FSTL5: variants seen among roughly 807,000 people sequenced by gnomAD.
The protein encoded by FSTL5 is follistatin like 5, also known as follistatin-related protein 5.
A neutral mutation model predicts 89.1 loss-of-function variants in FSTL5; 62 were observed. The ratio of observed to expected loss-of-function variants is 0.70; its 90% CI spans 0.57 to 0.86. The LOEUF (loss-of-function observed/expected upper bound fraction) is 0.86, where lower values mean the gene tolerates loss of function less well. FSTL5 is among the 40% of genes least tolerant of loss of function. The pLI, the probability that FSTL5 is intolerant of heterozygous loss-of-function variation, is 0.00. For missense variants in FSTL5, 1,057 were observed against 1,001.6 expected (o/e 1.06, Z -0.75); for synonymous variants, 383 against 346.2 (o/e 1.11, Z -1.18).
At chr4:161,564,874 G>A (rs1170722551) in intron 8 of FSTL5, among the ~76,000 whole-genome samples, 2 of 151,610 alleles carry the variant, frequency 1.3e-5, no homozygotes, top group Non-Finnish European at 2.9e-5. Flanking sequence ...AAATGAGCTG[G>A]AGGAAACTTC....
At chr4:161,387,969 A>C (rs1730703863) in intron 15 of FSTL5, 1 of 152,070 alleles carries the variant, frequency 6.6e-6, no homozygotes, top group African/African-American at 2.4e-5. Context: ...AATGCAAGGC[A>C]CTGGGAATAT....
intron 2 of FSTL5, among the ~76,000 whole-genome samples, chr4:162,041,556 A>G (rs1737959710): frequency 6.6e-6 from 1 of 152,156 alleles, no homozygotes; most frequent in Admixed American, 6.6e-5. Flanking sequence ...CCTTCAGTTT[A>G]ATATTTTGAT....
At chr4:161,470,442 C>A (rs1733896988) in intron 13 of FSTL5, among the ~76,000 whole-genome samples, 1 of 152,068 alleles carries the variant, frequency 6.6e-6, no homozygotes, top group Admixed American at 6.5e-5. Flanking sequence ...TTCTATTATT[C>A]TGTATACCTG....
In FSTL5 at chr4:161,801,301, G is replaced by A. The variant is rs565169970; in HGVS notation, c.410-25227C>T. Reference sequence around the variant, plus strand: ...TTAATCTTTTTGTGGCTAGTATCTAGCATAATTGGCAAACAGTAGGGGTTG... The same window carrying A: ...TTAATCTTTTTGTGGCTAGTATCTAACATAATTGGCAAACAGTAGGGGTTG... On this transcript the variant is annotated intron_variant, in intron 4 of 15. Coordinates refer to ENST00000306100, the MANE Select transcript of FSTL5 (RefSeq NM_020116.5). 5.9e-5 allele frequency among the ~76,000 whole-genome samples: 9 copies of A among 151,510 alleles called. No individual in the cohort carries two copies. In the South Asian group the frequency reaches 1.0e-3, roughly 17 times the overall value.
chr4:161,787,734 A>G (rs1284386661), intron 4 of FSTL5, among the ~76,000 whole-genome samples: 4 of 152,192 alleles, frequency 2.6e-5, no homozygotes, highest in Non-Finnish European at 5.9e-5. Context: ...ATACATACAT[A>G]GAACAAAATC....
At chr4:162,121,913 T>TA (rs1423560992) in intron 1 of FSTL5, among the ~76,000 whole-genome samples, 1 of 152,076 alleles carries the variant, frequency 6.6e-6, no homozygotes, top group Non-Finnish European at 1.5e-5. Flanking sequence ...TAATGAATAG[T>TA]AAATATATTT....
chr4:161,595,153 CA>C (rs1178581048), intron 7 of FSTL5, among the ~76,000 whole-genome samples: 1 of 151,986 alleles, frequency 6.6e-6, no homozygotes, highest in Admixed American at 6.6e-5. Context: ...TGTATAAAGA[CA>C]TATCAAGCCT....
intron 15 of FSTL5, chr4:161,388,005 G>C (rs1730706165): frequency 6.6e-6 from 1 of 152,004 alleles, no homozygotes; most frequent in Non-Finnish European, 1.5e-5. Flanking sequence ...AACTCTCCCT[G>C]TCTCCAATGA....
chr4:161,834,779 C>CCACT (rs1333265272), intron 4 of FSTL5, among the ~76,000 whole-genome samples: 1 of 152,074 alleles, frequency 6.6e-6, no homozygotes, highest in African/African-American at 2.4e-5. Context: ...GAACTACAAA[C>CCACT]CACTGCTCGA....
At chr4:161,631,846 C>G (rs1447649570) in intron 7 of FSTL5, among the ~76,000 whole-genome samples, 1 of 151,926 alleles carries the variant, frequency 6.6e-6, no homozygotes, top group Non-Finnish European at 1.5e-5. Flanking sequence ...TGCAAAAGTA[C>G]CTAAATAGAG....
chr4:161,907,302 A>C (rs567193088), intron 4 of FSTL5, among the ~76,000 whole-genome samples: 3 of 152,228 alleles, frequency 2.0e-5, no homozygotes, highest in African/African-American at 7.2e-5. Flanking sequence ...TGCCTTTTTC[A>C]AGTAAAAGTT....
At chr4:162,078,780 G>T (rs1579009679) in intron 2 of FSTL5, among the ~76,000 whole-genome samples, 1 of 151,822 alleles carries the variant, frequency 6.6e-6, no homozygotes, top group South Asian at 2.1e-4. Flanking sequence ...AGTGTCAAGG[G>T]AACCAAGTCA....
At chr4:161,831,847 T>C (rs1317346985) in intron 4 of FSTL5, among the ~76,000 whole-genome samples, 1 of 151,854 alleles carries the variant, frequency 6.6e-6, no homozygotes, top group Non-Finnish European at 1.5e-5. Flanking sequence ...AGACTTTTAA[T>C]TTTTAAATTT....
At position 161,797,160 on chromosome 4, in the gene FSTL5, A is replaced by C. The variant is rs116932669; in HGVS notation, c.410-21086T>G. ...CTATGCCTTTCTATATTAGGTCTCA[A>C]CATAAACACAAGATGTAATACTGCC... On this transcript the variant is annotated intron_variant, in intron 4 of 15. Transcript: ENST00000306100. 1.1e-3 allele frequency among the ~76,000 whole-genome samples: 173 copies of C among 151,772 alleles called. 6 individuals are homozygous for C. In the East Asian group the frequency reaches 0.03, roughly 26 times the overall value.
At chr4:162,067,930 G>A (rs180914505) in intron 2 of FSTL5, among the ~76,000 whole-genome samples, 13 of 152,008 alleles carry the variant, frequency 8.6e-5, no homozygotes, top group African/African-American at 2.7e-4. Flanking sequence ...GCCAAATCAC[G>A]AATGAACTCC....
chr4:162,144,107 A>G (rs2111491459), intron 1 of FSTL5, among the ~76,000 whole-genome samples: 1 of 152,286 alleles, frequency 6.6e-6, no homozygotes. Context: ...AGTGAAGAAC[A>G]GGGACGAGGC....
At chr4:161,487,073 G>A (rs763460131) in intron 12 of FSTL5, among the ~76,000 whole-genome samples, 7 of 151,994 alleles carry the variant, frequency 4.6e-5, no homozygotes, top group Non-Finnish European at 7.4e-5. Flanking sequence ...TTTCTTGTCT[G>A]AATTTTCACA....
intron 8 of FSTL5, among the ~76,000 whole-genome samples, chr4:161,557,536 A>G (rs1406855732): frequency 6.6e-6 from 1 of 151,704 alleles, no homozygotes; most frequent in East Asian, 1.9e-4. Context: ...GCAATATAGC[A>G]TTATCTACCC....
intron 8 of FSTL5, among the ~76,000 whole-genome samples, chr4:161,568,735 G>C (rs1021665692): frequency 1.3e-5 from 2 of 152,090 alleles, no homozygotes; most frequent in African/African-American, 4.8e-5. Context: ...AATGGCTTTT[G>C]CTATGTTTCT....
Sources: gnomAD v4.1 joint callset for allele counts (sites outside exome capture counted in the v4.1 genomes callset) on GRCh38, gnomAD v4.1.1 for gene constraint, MANE v1.5 for transcripts, NCBI Gene and HGNC (gene_info 2026-07-23, HGNC 2026-07-21) for gene names.